MYO6: variants seen among roughly 807,000 people sequenced by gnomAD.
MYO6 encodes the protein unconventional myosin-VI.
A neutral mutation model predicts 178.7 loss-of-function variants in MYO6; 74 were observed. The ratio of observed to expected loss-of-function variants is 0.41; its 90% CI spans 0.34 to 0.50. MYO6 has a LOEUF of 0.50. Among genes scored for constraint, MYO6 ranks in the 20% least tolerant of loss-of-function variants. The probability of loss-of-function intolerance (pLI) is 0.09; values close to 1 mark genes in which losing one functional copy is unlikely to be tolerated. For synonymous variants in MYO6, 477 were observed against 504.6 expected, an observed-to-expected ratio of 0.95 and a Z score of 0.73; for missense variants, 1,330 against 1,547.4, an observed-to-expected ratio of 0.86 and a Z score of 2.36.
At chr6:75,902,605 T>G (rs1050911434) in intron 30 of MYO6, among the ~76,000 whole-genome samples, 10 of 152,266 alleles carry the variant, frequency 6.6e-5, no homozygotes, top group Non-Finnish European at 1.5e-4. Flanking sequence ...GTCTATTTGA[T>G]TCTTCTCTCT....
intron 32 of MYO6, 23 bp downstream of exon 32, chr6:75,908,650 G>C (rs759906260): frequency 6.2e-7 from 1 of 1,611,180 alleles, no homozygotes. Flanking sequence ...CTGTACTTTT[G>C]AACGTTTTAA....
chr6:75,751,535 A>C (rs1562104927), intron 1 of MYO6, among the ~76,000 whole-genome samples: 1 of 152,262 alleles, frequency 6.6e-6, no homozygotes. Flanking sequence ...ATATTGCATT[A>C]AAAACAAAAG....
At chr6:75,902,120 G>A (rs1174682593) in intron 30 of MYO6, among the ~76,000 whole-genome samples, 1 of 152,088 alleles carries the variant, frequency 6.6e-6, no homozygotes, top group East Asian at 1.9e-4. Context: ...TGCTGGATTT[G>A]GTTTGCCAGT....
chr6:75,866,852 A>G (rs1248269431), intron 17 of MYO6, 80 bp from the exon 18 acceptor site: 32 of 1,467,562 alleles, frequency 2.2e-5, no homozygotes, highest in Middle Eastern at 1.8e-4. Flanking sequence ...GTCATCACAG[A>G]AAGTTCCTTT....
chr6:75,794,935 C>T (rs1427147261), intron 1 of MYO6, among the ~76,000 whole-genome samples: 1 of 152,148 alleles, frequency 6.6e-6, no homozygotes, highest in African/African-American at 2.4e-5. Flanking sequence ...ATTCATCCTT[C>T]ATGAAGAATT....
chr6:75,821,640 A>AC (rs1562207212), intron 2 of MYO6, among the ~76,000 whole-genome samples: 1 of 109,306 alleles, frequency 9.1e-6, no homozygotes, highest in East Asian at 3.2e-4. Flanking sequence ...CACACACACA[A>AC]ACACACACAC....
Position 75,841,522 on chromosome 6 carries a change from C to CT in MYO6, c.816+145dup, listed in dbSNP as rs1774224439. ...TGGGCAATGTAGCGAGACCCTGTCT[C>CT]TAAAAAAAAAAAATACAAAAAATTA... On this transcript the variant is annotated intron_variant, in intron 9 of 34. Coordinates refer to ENST00000369977, the MANE Select transcript of MYO6 (RefSeq NM_004999.4). 7.4e-6 allele frequency: 5 copies of CT among 676,664 alleles called. No homozygotes were observed. The South Asian group carries it at 9.9e-5, about 13-fold the overall frequency. The allele number at this position is 676,664 out of a possible 1,614,324, so 41.9% of individuals were successfully genotyped here.
intron 28 of MYO6, among the ~76,000 whole-genome samples, chr6:75,893,740 A>G (rs907018477): frequency 6.6e-6 from 1 of 152,226 alleles, no homozygotes. Context: ...TGTATATGAA[A>G]GTACATTATA....
intron 10 of MYO6, among the ~76,000 whole-genome samples, chr6:75,847,025 C>G (rs1349328591): frequency 6.6e-6 from 1 of 152,032 alleles, no homozygotes; most frequent in East Asian, 1.9e-4. Flanking sequence ...ATCTGAATGT[C>G]TTTAGGTTGT....
intron 1 of MYO6, among the ~76,000 whole-genome samples, chr6:75,804,316 C>G (rs1016355919): frequency 6.6e-6 from 1 of 152,210 alleles, no homozygotes; most frequent in African/African-American, 2.4e-5. Flanking sequence ...GCCCCATTTT[C>G]TCACAGTATC....
intron 1 of MYO6, among the ~76,000 whole-genome samples, chr6:75,770,535 G>A (rs926008911): frequency 6.6e-6 from 1 of 152,208 alleles, no homozygotes; most frequent in Non-Finnish European, 1.5e-5. Flanking sequence ...GGAGTGCAGT[G>A]GCATGATCTT....
chr6:75,851,646 A>G (rs545628556), intron 11 of MYO6, among the ~76,000 whole-genome samples: 9 of 151,972 alleles, frequency 5.9e-5, no homozygotes, highest in Admixed American at 5.2e-4. Flanking sequence ...AAAAAAAACA[A>G]AAAAACCCCC....
At chr6:75,895,406 T>C in intron 29 of MYO6, 146 bp downstream of exon 29, 1 of 688,144 alleles carries the variant, frequency 1.5e-6, no homozygotes, top group African/African-American at 1.8e-5. Context: ...CTAGGAAAGT[T>C]TAATGCTCTT....
intron 1 of MYO6, among the ~76,000 whole-genome samples, chr6:75,795,529 C>G (rs1305048275): frequency 6.6e-6 from 1 of 152,114 alleles, no homozygotes; most frequent in African/African-American, 2.4e-5. Context: ...TATAGAGGAT[C>G]TCAGTAATGC....
chr6:75,770,270 T>C (rs528207772), intron 1 of MYO6, among the ~76,000 whole-genome samples: 1 of 152,344 alleles, frequency 6.6e-6, no homozygotes, highest in Non-Finnish European at 1.5e-5. Flanking sequence ...GAAACTCTTT[T>C]CTTAAAAGTT....
At chr6:75,751,928 A>T (rs768912856) in intron 1 of MYO6, among the ~76,000 whole-genome samples, 1 of 152,070 alleles carries the variant, frequency 6.6e-6, no homozygotes, top group African/African-American at 2.4e-5. Flanking sequence ...TTTCATTTTT[A>T]TATATTAAAA....
chr6:75,798,035 C>T (rs963562791), intron 1 of MYO6, among the ~76,000 whole-genome samples: 39 of 152,006 alleles, frequency 2.6e-4, no homozygotes, highest in African/African-American at 7.7e-4. Context: ...CTTTTGGGGA[C>T]GGAGCCAAAA....
intron 1 of MYO6, among the ~76,000 whole-genome samples, chr6:75,796,630 T>A (rs1026432518): frequency 3.8e-5 from 3 of 79,816 alleles, no homozygotes; most frequent in Non-Finnish European, 1.1e-4. Context: ...GACTCCCATC[T>A]TTTTTTTTTT....
intron 16 of MYO6, 51 bp from the exon 17 acceptor site, chr6:75,866,475 A>G (rs1163160622): frequency 7.3e-7 from 1 of 1,374,036 alleles, no homozygotes; most frequent in Non-Finnish European, 1.0e-6. Flanking sequence ...AAGAATGATT[A>G]TGTAATATAT....
Sources: gnomAD v4.1 joint callset for allele counts (sites outside exome capture counted in the v4.1 genomes callset) on GRCh38, gnomAD v4.1.1 for gene constraint, MANE v1.5 for transcripts, NCBI Gene and HGNC (gene_info 2026-07-23, HGNC 2026-07-21) for gene names.